The following MTFR2 variants were observed in gnomAD, a reference collection of about 807,000 sequenced individuals.
MTFR2 encodes mitochondrial fission regulator 2, also known as DUF729 domain-containing protein 1.
In MTFR2, 44 loss-of-function variants were observed where a neutral mutation model predicts 41.2. The ratio of observed to expected loss-of-function variants is 1.07; its 90% CI spans 0.84 to 1.37. MTFR2 has a LOEUF of 1.37. MTFR2 is among the 40% of genes most tolerant of loss of function. The pLI, the probability that MTFR2 is intolerant of heterozygous loss-of-function variation, is 0.00. For missense variants in MTFR2, 452 were observed against 459.5 expected (o/e 0.98, Z 0.15); for synonymous variants, 141 against 154.6 (o/e 0.91, Z 0.65).
At position 136,249,146 on chromosome 6, in the gene MTFR2, C is replaced by G. The variant is rs1195645568; in HGVS notation, c.-47G>C. The G allele has an allele frequency of 1.1e-5, 16 of 1,501,718 alleles. No individual in the cohort carries two copies. Among genetic ancestry groups the G allele is most frequent in the Middle Eastern group, 3.5e-4 (2 of 5,754 alleles). The allele number at this position is 1,501,718 out of a possible 1,614,324, so 93.0% of individuals were successfully genotyped here. On this transcript the variant is annotated 5_prime_UTR_variant, in exon 2 of 8. Transcript: ENST00000420702. Reference sequence around the variant, plus strand: ...CAATTCAAAGGAACATTATCAGTTTCTTGGTGCCTTTGGGGAAAATTTTAG... The same window carrying G: ...CAATTCAAAGGAACATTATCAGTTTGTTGGTGCCTTTGGGGAAAATTTTAG...
At chr6:136,243,168 T>G (rs1287673654) in intron 3 of MTFR2, among the ~76,000 whole-genome samples, 195 bp from the exon 4 acceptor site, 1 of 152,218 alleles carries the variant, frequency 6.6e-6, no homozygotes, top group East Asian at 1.9e-4. Flanking sequence ...CTAAGCAATA[T>G]TCTCTCCCCT....
chr6:136,231,325 C>G lies in MTFR2; in HGVS notation c.1108G>C (p.Ala370Pro), dbSNP rs1779748447. The change falls in exon 8 of 8, where the codon GCT (alanine) becomes CCT (proline). Residue 370 changes from alanine to proline, a missense_variant. Transcript: ENST00000420702. ...GTGTTGCTGATACCTTGGTCAACAG[C>G]TTTTGTGTTGACCATTTCTTCTTTA... is the stretch of plus-strand genomic sequence containing the variant. ...RTKEEMVNTKAVDQGISNTSL... is the reference protein window; with the variant it reads ...RTKEEMVNTKPVDQGISNTSL... 1 of 1,612,760 alleles carries G rather than the reference C, an allele frequency of 6.2e-7. No individual in the cohort carries two copies. Among genetic ancestry groups the G allele is most frequent in the Non-Finnish European group, 8.5e-7 (1 of 1,179,646 alleles).
At chr6:136,246,009 GAAT>G (rs574639093) in intron 2 of MTFR2, among the ~76,000 whole-genome samples, 1 of 152,114 alleles carries the variant, frequency 6.6e-6, no homozygotes, top group Non-Finnish European at 1.5e-5. Flanking sequence ...ATTACTAGTA[GAAT>G]ATTTGGAGGA....
At chr6:136,242,595 T>C (rs957310288) in intron 4 of MTFR2, among the ~76,000 whole-genome samples, 1 of 152,110 alleles carries the variant, frequency 6.6e-6, no homozygotes, top group African/African-American at 2.4e-5. Flanking sequence ...AAACAGTATA[T>C]AAGTTTTGGC....
In MTFR2 at chr6:136,231,371, T is replaced by C; in HGVS notation, c.1062A>G (p.Ser354=). 1 of 1,606,880 alleles carries C rather than the reference T, an allele frequency of 6.2e-7. No homozygotes were observed. The highest frequency in any genetic ancestry group is 8.5e-7 in the Non-Finnish European group (1 of 1,175,766). Residue 354 remains serine (S), a synonymous_variant, in exon 8 of 8, where the codon TCA becomes TCG. Coordinates refer to ENST00000420702, the MANE Select transcript of MTFR2 (RefSeq NM_001099286.3). ...CTTTAGTTCGCTGTCCTTCTGACTG[T>C]GAAATGTGATGTCCAAACTGAAATA... The part of the protein sequence containing the change: ...PETSRFGHHI[S]QSEGQRTKEE...
exon 1 of MTFR2, chr6:136,250,301 ACAGGACTGCTACTTCCGCATCC>A (rs1182531780): frequency 6.6e-6 from 1 of 152,352 alleles, no homozygotes; most frequent in Admixed American, 6.5e-5. Context: ...CTTCCGCATG[ACAGGACTGCTACTTCCGCATCC>A]CAGGACGAAA....
At chr6:136,234,775 T>C (rs533476069) in intron 6 of MTFR2, among the ~76,000 whole-genome samples, 1 of 152,176 alleles carries the variant, frequency 6.6e-6, no homozygotes, top group Non-Finnish European at 1.5e-5. Context: ...CTAAGCTAGA[T>C]AAGAATGGGC....
intron 6 of MTFR2, among the ~76,000 whole-genome samples, chr6:136,236,530 G>A (rs73779615): frequency 0.021 from 3,184 of 152,256 alleles, 111 homozygotes; most frequent in African/African-American, 0.072. Flanking sequence ...TCCAGTGATG[G>A]TAACAGTCAC....
intron 6 of MTFR2, among the ~76,000 whole-genome samples, chr6:136,238,231 C>T (rs192705116): frequency 1.3e-5 from 2 of 152,310 alleles, no homozygotes; most frequent in East Asian, 3.9e-4. Context: ...GGGATATATA[C>T]ATACAATATA....
At chr6:136,234,849 A>T (rs1779862553) in intron 6 of MTFR2, among the ~76,000 whole-genome samples, 1 of 152,174 alleles carries the variant, frequency 6.6e-6, no homozygotes, top group South Asian at 2.1e-4. Context: ...TGCTGATGGG[A>T]ACGGTGGGAG....
chr6:136,240,888 G>A (rs7752996), intron 5 of MTFR2, among the ~76,000 whole-genome samples: 11,226 of 139,438 alleles, frequency 0.081, 1,050 homozygotes, highest in African/African-American at 0.33. Flanking sequence ...TCAGGAGATC[G>A]AGACCATCCT....
Position 136,233,632 on chromosome 6 carries a change from C to T in MTFR2, c.870-133G>A, listed in dbSNP as rs142286046. The T allele has an allele frequency of 6.7e-4, 477 of 709,052 alleles. 3 individuals carry two copies. In the African/African-American group the frequency reaches 7.8e-3, roughly 12 times the overall value. The allele number at this position is 709,052 out of a possible 1,614,324, so 43.9% of individuals were successfully genotyped here. ...TTCAAGAGATTGAAAATAATCTAAT[C>T]TTCAAGAAATTTTCGCAATGAAATA... On this transcript the variant is annotated intron_variant, in intron 6 of 7. Coordinates refer to ENST00000420702, the MANE Select transcript of MTFR2 (RefSeq NM_001099286.3).
chr6:136,238,351 G>A (rs1341932477), intron 6 of MTFR2, among the ~76,000 whole-genome samples: 1 of 152,166 alleles, frequency 6.6e-6, no homozygotes, highest in African/African-American at 2.4e-5. Context: ...GCTCTTGCCT[G>A]TAATCCCAGT....
At chr6:136,231,552 G>A (rs1255102493) in intron 7 of MTFR2, among the ~76,000 whole-genome samples, 164 bp from the exon 8 acceptor site, 1 of 150,808 alleles carries the variant, frequency 6.6e-6, no homozygotes, top group African/African-American at 2.4e-5. Context: ...CAGGTACTAC[G>A]CTCAGAGCCA....
At chr6:136,247,075 C>T (rs908049695) in intron 2 of MTFR2, among the ~76,000 whole-genome samples, 1 of 152,120 alleles carries the variant, frequency 6.6e-6, no homozygotes, top group African/African-American at 2.4e-5. Flanking sequence ...TCAGGCCAGG[C>T]GCAGGGGCTC....
In MTFR2 at chr6:136,246,790, A is replaced by G. The variant is rs79337895; in HGVS notation, c.64-1921T>C. Among the ~76,000 whole-genome samples the G allele has an allele frequency of 7.2e-3, 1,086 of 150,688 alleles. 14 individuals carry two copies. Among genetic ancestry groups the G allele is most frequent in the African/African-American group, 0.025 (1,000 of 40,286 alleles). ...ACTACTGTAATTACTCTTAGCTAGGAAAAAAAAATCACAAAACGACAATAT... is the reference window on the plus strand; with the variant it reads ...ACTACTGTAATTACTCTTAGCTAGGGAAAAAAAATCACAAAACGACAATAT... On this transcript the variant is annotated intron_variant, in intron 2 of 7. Coordinates refer to ENST00000420702, the MANE Select transcript of MTFR2 (RefSeq NM_001099286.3).
At chr6:136,245,887 G>A (rs976162035) in intron 2 of MTFR2, among the ~76,000 whole-genome samples, 1 of 151,974 alleles carries the variant, frequency 6.6e-6, no homozygotes, top group Non-Finnish European at 1.5e-5. Context: ...CCCTTATATA[G>A]GTTACACCTA....
chr6:136,250,009 G>C lies in MTFR2; in HGVS notation c.-88C>G, dbSNP rs1435753561. 6.6e-6 allele frequency: 1 copy of C among 152,206 alleles called. No individual in the cohort carries two copies. The highest frequency in any genetic ancestry group is 2.4e-5 in the African/African-American group (1 of 41,432). The allele number at this position is 152,206 out of a possible 1,614,324, so 9.4% of individuals were successfully genotyped here. On this transcript the variant is annotated 5_prime_UTR_variant, in exon 1 of 8. Coordinates refer to ENST00000420702, the MANE Select transcript of MTFR2 (RefSeq NM_001099286.3). ...GAAGCCGAGCCCCCGGGAATCACCA[G>C]AACATCAAGCGGAGGGCGTTAGGAA...
chr6:136,239,794 T>C lies in MTFR2; in HGVS notation c.541A>G (p.Ile181Val), dbSNP rs2128458007. 1 of 1,610,462 alleles carries C rather than the reference T, an allele frequency of 6.2e-7. No homozygotes were observed. Among genetic ancestry groups the C allele is most frequent in the Non-Finnish European group, 8.5e-7 (1 of 1,177,582 alleles). Residue 181 changes from isoleucine to valine, a missense_variant, in exon 6 of 8, where the codon ATT becomes GTT. Transcript: ENST00000420702. The stretch of plus-strand genomic sequence containing the variant: ...GATGATGACAGCTGACCCAAACTAA[T>C]GCGCTCGTCACTCAAGCCAAAGGAA... ...SSSFGLSDERISLGQLSSSRA... is the reference protein window; with the variant it reads ...SSSFGLSDERVSLGQLSSSRA...
Sources: allele counts gnomAD v4.1 joint callset (sites outside exome capture counted in the v4.1 genomes callset), GRCh38; gene constraint gnomAD v4.1.1; transcripts MANE v1.5; gene names NCBI Gene and HGNC (gene_info 2026-07-23, HGNC 2026-07-21).